The following PTPRD variants were observed in gnomAD, a reference collection of about 807,000 sequenced individuals.
PTPRD encodes receptor-type tyrosine-protein phosphatase delta.
In PTPRD, 34 loss-of-function variants were observed where a neutral mutation model predicts 214.5. The observed-to-expected ratio is 0.16, with a 90% CI of 0.12 to 0.21. The LOEUF (loss-of-function observed/expected upper bound fraction) is 0.21. Ranked by LOEUF, PTPRD falls within the 10% of genes least tolerant of loss-of-function variation. The probability of loss-of-function intolerance (pLI) is 1.00; values close to 1 mark genes in which losing one functional copy is unlikely to be tolerated. For missense variants in PTPRD, 2,545 were observed against 2,398.7 expected, an observed-to-expected ratio of 1.06 and a Z score of -1.27; for synonymous variants, 1,128 against 845.7, an observed-to-expected ratio of 1.33 and a Z score of -5.79.
chr9:9,258,909 G>A (rs544652010), intron 9 of PTPRD, among the ~76,000 whole-genome samples: 1 of 151,646 alleles, frequency 6.6e-6, no homozygotes, highest in Non-Finnish European at 1.5e-5. Context: ...TTTTTTAAAG[G>A]CCTATTTTTC....
chr9:10,004,083 T>G (rs1463918457), intron 4 of PTPRD, among the ~76,000 whole-genome samples: 1 of 151,816 alleles, frequency 6.6e-6, no homozygotes, highest in Non-Finnish European at 1.5e-5. Flanking sequence ...GGAACTAATA[T>G]TCATCAAATA....
chr9:9,884,992 A>G (rs73400655), intron 5 of PTPRD, among the ~76,000 whole-genome samples: 12,308 of 152,176 alleles, frequency 0.081, 1,608 homozygotes, highest in African/African-American at 0.28. Flanking sequence ...TGGCTTTCAG[A>G]AAAGCAAAGA....
intron 12 of PTPRD, among the ~76,000 whole-genome samples, chr9:8,730,150 G>A (rs1387910242): frequency 6.6e-6 from 1 of 152,156 alleles, no homozygotes; most frequent in East Asian, 1.9e-4. Flanking sequence ...CAGCTACTCC[G>A]GAGGCTGAGA....
At chr9:8,845,178 A>G (rs7036660) in intron 11 of PTPRD, among the ~76,000 whole-genome samples, 22,829 of 84,398 alleles carry the variant, frequency 0.27, 2,092 homozygotes, top group East Asian at 0.47. Flanking sequence ...AAAAAAAAAC[A>G]AAAACAAAAA....
At chr9:8,486,755 C>T (rs1402935736) in intron 27 of PTPRD, among the ~76,000 whole-genome samples, 4 of 152,144 alleles carry the variant, frequency 2.6e-5, no homozygotes, top group East Asian at 1.9e-4. Flanking sequence ...AATGTACCGG[C>T]GTCACGCTAA....
At chr9:10,204,429 C>T (rs1391986213) in intron 3 of PTPRD, among the ~76,000 whole-genome samples, 1 of 151,984 alleles carries the variant, frequency 6.6e-6, no homozygotes, top group African/African-American at 2.4e-5. Context: ...TTTATCACTC[C>T]CATCTGATGG....
chr9:8,844,875 C>T (rs2097654410), intron 11 of PTPRD, among the ~76,000 whole-genome samples: 1 of 152,164 alleles, frequency 6.6e-6, no homozygotes, highest in Non-Finnish European at 1.5e-5. Flanking sequence ...GTAAGCTCTA[C>T]TATCATGGTG....
intron 2 of PTPRD, among the ~76,000 whole-genome samples, chr9:10,548,904 T>G (rs2060723588): frequency 6.6e-6 from 1 of 152,156 alleles, no homozygotes; most frequent in African/African-American, 2.4e-5. Context: ...TGCATAAAAT[T>G]CTGGATAGCA....
At chr9:9,591,585 G>A (rs1027715449) in intron 7 of PTPRD, among the ~76,000 whole-genome samples, 2 of 151,952 alleles carry the variant, frequency 1.3e-5, no homozygotes, top group Non-Finnish European at 2.9e-5. Context: ...GTATAATGGC[G>A]GCAACTTAAG....
intron 5 of PTPRD, among the ~76,000 whole-genome samples, chr9:9,852,132 A>G (rs1232483126): frequency 6.6e-6 from 1 of 152,150 alleles, no homozygotes; most frequent in Non-Finnish European, 1.5e-5. Flanking sequence ...AAGAGATAAG[A>G]AAAATTATAT....
At chr9:10,129,291 T>G (rs561093705) in intron 3 of PTPRD, among the ~76,000 whole-genome samples, 34 of 152,238 alleles carry the variant, frequency 2.2e-4, no homozygotes, top group African/African-American at 7.9e-4. Flanking sequence ...ATGTACGGAT[T>G]TTCAAGAGCA....
At chr9:8,969,422 G>A (rs1319277816) in intron 11 of PTPRD, among the ~76,000 whole-genome samples, 1 of 152,022 alleles carries the variant, frequency 6.6e-6, no homozygotes, top group African/African-American at 2.4e-5. Flanking sequence ...CATATGCACA[G>A]AAGTTCATTA....
chr9:10,037,585 A>G (rs1235414915), intron 3 of PTPRD, among the ~76,000 whole-genome samples: 13 of 151,538 alleles, frequency 8.6e-5, no homozygotes, highest in Admixed American at 4.0e-4. Flanking sequence ...CAGTGGAAAA[A>G]AAAAAAAAAA....
chr9:8,913,830 C>T (rs2098765480), intron 11 of PTPRD, among the ~76,000 whole-genome samples: 1 of 152,066 alleles, frequency 6.6e-6, no homozygotes, highest in Non-Finnish European at 1.5e-5. Context: ...GTGATTATGA[C>T]CTGCTTTGGG....
At chr9:10,312,966 C>A (rs1401807457) in intron 3 of PTPRD, among the ~76,000 whole-genome samples, 2 of 151,956 alleles carry the variant, frequency 1.3e-5, no homozygotes, top group African/African-American at 4.8e-5. Flanking sequence ...ATCCTTTAGT[C>A]TGTCAATGGT....
chr9:10,189,021 T>C (rs2099350700), intron 3 of PTPRD, among the ~76,000 whole-genome samples: 1 of 152,144 alleles, frequency 6.6e-6, no homozygotes, highest in Admixed American at 6.5e-5. Context: ...TACTTTTTTT[T>C]TTTCTGTCCT....
intron 11 of PTPRD, among the ~76,000 whole-genome samples, chr9:8,931,365 C>T (rs10977369): frequency 0.12 from 18,193 of 151,950 alleles, 1,605 homozygotes; most frequent in East Asian, 0.44. Context: ...GTTTCTCTAG[C>T]CTTGTAGTAT....
chr9:10,071,611 C>T (rs2098018477), intron 3 of PTPRD, among the ~76,000 whole-genome samples: 1 of 151,918 alleles, frequency 6.6e-6, no homozygotes, highest in African/African-American at 2.4e-5. Flanking sequence ...ACTTTTATAA[C>T]TCAAAACTCA....
At chr9:9,098,834 A>G (rs1042234206) in intron 10 of PTPRD, among the ~76,000 whole-genome samples, 1 of 152,182 alleles carries the variant, frequency 6.6e-6, no homozygotes, top group African/African-American at 2.4e-5. Context: ...ACTCTTACAC[A>G]TGTTCACCAG....
Sources: gnomAD v4.1 joint callset for allele counts (sites outside exome capture counted in the v4.1 genomes callset) on GRCh38, gnomAD v4.1.1 for gene constraint, MANE v1.5 for transcripts, NCBI Gene and HGNC (gene_info 2026-07-23, HGNC 2026-07-21) for gene names.